Variants in PLXNA1 observed in about 807,000 individuals in gnomAD.
PLXNA1 encodes plexin-A1.
In PLXNA1, 77 loss-of-function variants were observed where a neutral mutation model predicts 191.7. The ratio of observed to expected loss-of-function variants is 0.40; its 90% CI spans 0.33 to 0.49. The LOEUF is 0.49. PLXNA1 is among the 20% of genes least tolerant of loss of function. PLXNA1 has a pLI of 0.63. For missense variants in PLXNA1, 2,110 were observed against 2,660.2 expected (o/e 0.79, Z 4.55); for synonymous variants, 1,137 against 1,156.4 (o/e 0.98, Z 0.34).
chr3:127,009,710 G>A (rs1007917321), intron 9 of PLXNA1, among the ~76,000 whole-genome samples: 1 of 152,150 alleles, frequency 6.6e-6, no homozygotes, highest in Non-Finnish European at 1.5e-5. Context: ...ATGCTGGGAG[G>A]GGGTCTCTGT....
chr3:126,986,428 G>A (rs554639065), intron 1 of PLXNA1, among the ~76,000 whole-genome samples: 10 of 152,342 alleles, frequency 6.6e-5, no homozygotes, highest in South Asian at 2.1e-4. Flanking sequence ...TGAGAGCCTC[G>A]GTTTCCCCAC....
chr3:127,008,034 C>G, intron 9 of PLXNA1, 121 bp downstream of exon 9: 1 of 643,728 alleles, frequency 1.6e-6, no homozygotes, highest in South Asian at 2.1e-5. Flanking sequence ...TCTGGGATGT[C>G]ACCGTGTGGT....
chr3:127,028,278 T>A lies in PLXNA1; in HGVS notation c.4607T>A (p.Leu1536Gln). ...GTCACCCAGGCCAAGGAGAAGCTGC[T>A]GGACGCTGCCTACAAGGGCGTGCCC... is the stretch of plus-strand genomic sequence containing the variant. ...DTVTQAKEKLLDAAYKGVPYS... is the reference protein window; with the variant it reads ...DTVTQAKEKLQDAAYKGVPYS... Residue 1536 changes from leucine to glutamine, a missense_variant, in exon 25 of 32, where the codon CTG becomes CAG. This residue lies in a region of PLXNA1 where 559 missense variants were observed against 911.5 expected (regional missense o/e 0.61). Coordinates refer to ENST00000393409, the MANE Select transcript of PLXNA1 (RefSeq NM_032242.4). The A allele has an allele frequency of 6.2e-7, 1 of 1,612,850 alleles. No individual in the cohort carries two copies. The highest frequency in any genetic ancestry group is 8.5e-7 in the Non-Finnish European group (1 of 1,179,988).
chr3:127,007,603 C>T (rs566904062), intron 8 of PLXNA1, among the ~76,000 whole-genome samples, 196 bp from the exon 9 acceptor site: 2 of 152,158 alleles, frequency 1.3e-5, no homozygotes, highest in African/African-American at 2.4e-5. Context: ...CTCCAGCTGT[C>T]GGGGAGGTGT....
rs939000109 is a variant in PLXNA1, at chr3:126,989,212, A to T, written c.619A>T (p.Met207Leu). The T allele has an allele frequency of 1.1e-5, 18 of 1,613,524 alleles. No individual in the cohort carries two copies. Among genetic ancestry groups the T allele is most frequent in the Middle Eastern group, 1.6e-4 (1 of 6,084 alleles). Residue 207 changes from methionine (M) to leucine (L), a missense_variant, in exon 2 of 32, where the codon ATG (methionine) becomes TTG (leucine). Physicochemically the swap from Met to Leu is conservative, Grantham distance 15 (BLOSUM62 2). Transcript: ENST00000393409. ...CCCCACACTGTCCAGCCGTCGGCTC[A>T]TGGCCAACGAGGAGGATGCCGACAT... ...YFPTLSSRRL[M>L]ANEEDADMFG... is the part of the protein sequence containing the mutation.
intron 20 of PLXNA1, among the ~76,000 whole-genome samples, chr3:127,018,782 G>A (rs2107633943): frequency 6.6e-6 from 1 of 152,344 alleles, no homozygotes; most frequent in African/African-American, 2.4e-5. Flanking sequence ...GTTTGCATTT[G>A]TATCCCAGCT....
intron 1 of PLXNA1, among the ~76,000 whole-genome samples, chr3:126,986,795 CAGGCAGCCCCA>C (rs1374875661): frequency 6.6e-6 from 1 of 152,180 alleles, no homozygotes; most frequent in African/African-American, 2.4e-5. Flanking sequence ...GGGGGAGGGG[CAGGCAGCCCCA>C]CACTGCATGT....
rs1421309477 is a variant in PLXNA1 at position 127,033,988 on chromosome 3, G to A, written c.5662G>A (p.Val1888Met). 3.7e-6 allele frequency: 6 copies of A among 1,604,964 alleles called. No individual in the cohort carries two copies. The highest frequency in any genetic ancestry group is 5.1e-6 in the Non-Finnish European group (6 of 1,177,212). The change falls in exon 32 of 32, where the codon GTG becomes ATG. Residue 1888 changes from valine to methionine, a missense_variant. By Grantham distance (21) the Val-to-Met change is conservative. Coordinates refer to ENST00000393409, the MANE Select transcript of PLXNA1 (RefSeq NM_032242.4). ...RQRLRSKLEQ[V>M]VDTMALSS ...GCGGCTGCGGAGCAAGCTGGAGCAGGTGGTGGACACGATGGCCCTGAGCAG... is the reference window on the plus strand; with the variant it reads ...GCGGCTGCGGAGCAAGCTGGAGCAGATGGTGGACACGATGGCCCTGAGCAG...
Position 127,004,674 on chromosome 3 carries a change from C to A in PLXNA1, c.1582C>A (p.Arg528=). The change falls in exon 5 of 32, where the codon CGG becomes AGG. Residue 528 remains arginine, a synonymous_variant. Coordinates refer to ENST00000393409, the MANE Select transcript of PLXNA1 (RefSeq NM_032242.4). ...YTSCELCLGS[R]DPHCGWCVLH... ...GTCCTGTGAGCTGTGTCTGGGGTCA[C>A]GGGACCCCCACTGTGGCTGGTGTGT... The A allele has an allele frequency of 6.3e-7, 1 of 1,590,850 alleles. No individual in the cohort carries two copies.
chr3:127,001,907 C>T (rs1290098022), intron 3 of PLXNA1, among the ~76,000 whole-genome samples: 1 of 152,250 alleles, frequency 6.6e-6, no homozygotes, highest in East Asian at 1.9e-4. Flanking sequence ...TGAGTACCTG[C>T]CTCTGGCCAC....
In PLXNA1 at chr3:127,020,187, C is replaced by T. The variant is rs149529631; in HGVS notation, c.3896-15C>T. The T allele has an allele frequency of 1.6e-3, 2,619 of 1,611,602 alleles. 13 individuals are homozygous for T. The highest frequency in any genetic ancestry group is 0.011 in the African/African-American group (855 of 75,036). On this transcript the variant is annotated splice_polypyrimidine_tract_variant and intron_variant, in intron 20 of 31. Coordinates refer to ENST00000393409, the MANE Select transcript of PLXNA1 (RefSeq NM_032242.4). ...CACCAGGGCATGCTGCCCCTGACGC[C>T]GCATCTGGCCACAGCCTTTGCAGAG...
At chr3:127,017,323 C>G (rs2079128659) in intron 17 of PLXNA1, 102 bp from the exon 18 acceptor site, 1 of 1,472,184 alleles carries the variant, frequency 6.8e-7, no homozygotes, top group African/African-American at 1.4e-5. Context: ...CTGGCATCAT[C>G]TGTGCAGGGA....
At chr3:127,004,802 C>T in intron 5 of PLXNA1, 83 bp from the exon 6 acceptor site, 1 of 1,589,160 alleles carries the variant, frequency 6.3e-7, no homozygotes, top group Non-Finnish European at 8.6e-7. Flanking sequence ...GCAAGCCACC[C>T]CGAGTTCTCT....
chr3:127,031,599 G>T (rs761624913), intron 29 of PLXNA1, among the ~76,000 whole-genome samples: 8 of 152,156 alleles, frequency 5.3e-5, no homozygotes, highest in Non-Finnish European at 1.0e-4. Flanking sequence ...ACTTGGTCTT[G>T]TCCATCCCAT....
intron 19 of PLXNA1, 148 bp from the exon 20 acceptor site, chr3:127,018,146 T>C: frequency 2.3e-6 from 2 of 865,506 alleles, no homozygotes; most frequent in South Asian, 1.7e-5. Flanking sequence ...TGGGTCCCAG[T>C]GTCTCCACCC....
chr3:126,983,557 C>T (rs972976275), intron 1 of PLXNA1, among the ~76,000 whole-genome samples: 81 of 146,710 alleles, frequency 5.5e-4, no homozygotes, highest in African/African-American at 1.8e-3. Context: ...GGAGAGACCG[C>T]ACCCCCGTGC....
intron 3 of PLXNA1, among the ~76,000 whole-genome samples, chr3:126,998,111 C>T (rs73861742): frequency 0.036 from 5,521 of 152,222 alleles, 319 homozygotes; most frequent in African/African-American, 0.12. Context: ...GTTCTGGGGA[C>T]AAGGAACAGG....
At chr3:126,997,750 G>C (rs536293138) in intron 3 of PLXNA1, among the ~76,000 whole-genome samples, 2 of 152,224 alleles carry the variant, frequency 1.3e-5, no homozygotes, top group Non-Finnish European at 2.9e-5. Context: ...GGTGTGCGAG[G>C]GTGCATAAGC....
At chr3:126,989,870 G>A in intron 2 of PLXNA1, 83 bp downstream of exon 2, 1 of 1,205,738 alleles carries the variant, frequency 8.3e-7, no homozygotes, top group South Asian at 1.4e-5. Flanking sequence ...CACGCCCAGT[G>A]GTGCCTGCTG....
Sources: allele counts gnomAD v4.1 joint callset (sites outside exome capture counted in the v4.1 genomes callset), GRCh38; gene constraint gnomAD v4.1.1; regional missense constraint gnomAD v4.1.1; transcripts MANE v1.5; gene names NCBI Gene and HGNC (gene_info 2026-07-23, HGNC 2026-07-21).